The following RPGRIP1L variants were observed in gnomAD, a reference collection of about 807,000 sequenced individuals.
RPGRIP1L encodes the protein protein fantom.
In RPGRIP1L, 131 loss-of-function variants were observed where a neutral mutation model predicts 160.4. The observed-to-expected ratio is 0.82, with a 90% CI of 0.71 to 0.94. The LOEUF is 0.94. Among genes scored for constraint, RPGRIP1L ranks in the 40% least tolerant of loss-of-function variants. The probability of loss-of-function intolerance (pLI) is 0.00; values close to 1 mark genes in which losing one functional copy is unlikely to be tolerated. For missense variants in RPGRIP1L, 1,522 were observed against 1,535.8 expected, an observed-to-expected ratio of 0.99 and a Z score of 0.15; for synonymous variants, 510 against 515.8, an observed-to-expected ratio of 0.99 and a Z score of 0.15.
chr16:53,625,879 A>G (rs892987699), intron 22 of RPGRIP1L, among the ~76,000 whole-genome samples: 6 of 152,062 alleles, frequency 3.9e-5, no homozygotes, highest in African/African-American at 1.4e-4. Context: ...TGCTGTGTCA[A>G]CTCAGGGTTA....
intron 8 of RPGRIP1L, among the ~76,000 whole-genome samples, chr16:53,671,893 T>C (rs1210736026): frequency 2.0e-5 from 3 of 152,114 alleles, no homozygotes; most frequent in African/African-American, 4.8e-5. Flanking sequence ...CCGGGAAACA[T>C]AGTATTTTTT....
At position 53,686,443 on chromosome 16, in the gene RPGRIP1L, T is replaced by C; in HGVS notation, c.766A>G (p.Thr256Ala). 4.3e-6 allele frequency: 7 copies of C among 1,613,314 alleles called. No homozygotes were observed. The highest frequency in any genetic ancestry group is 5.9e-6 in the Non-Finnish European group (7 of 1,179,704). Residue 256 changes from threonine to alanine, a missense_variant, in exon 6 of 27, where the codon ACA (threonine) becomes GCA (alanine). Coordinates refer to ENST00000647211, the MANE Select transcript of RPGRIP1L (RefSeq NM_015272.5). ...SLLQLREQQA[T>A]DQRSNIRDNV... ...TCTGTTTTAACATACCTTTGATCTGTAGCTTGCTGTTCTCGAAGCTGAAGA... is the reference window on the plus strand; with the variant it reads ...TCTGTTTTAACATACCTTTGATCTGCAGCTTGCTGTTCTCGAAGCTGAAGA...
intron 10 of RPGRIP1L, among the ~76,000 whole-genome samples, chr16:53,661,945 T>G (rs951257570): frequency 1.1e-4 from 16 of 152,180 alleles, no homozygotes; most frequent in Non-Finnish European, 2.9e-5. Context: ...CTCAAACTGT[T>G]TATTTGGGAC....
chr16:53,690,464 G>A (rs1567884986), intron 4 of RPGRIP1L, among the ~76,000 whole-genome samples: 2 of 152,110 alleles, frequency 1.3e-5, no homozygotes, highest in African/African-American at 4.8e-5. Flanking sequence ...CCAAAGTGCT[G>A]GGATTATAGG....
chr16:53,652,886 C>G lies in RPGRIP1L; in HGVS notation c.1801G>C (p.Glu601Gln). The G allele has an allele frequency of 6.2e-7, 1 of 1,612,946 alleles. No individual in the cohort carries two copies. Among genetic ancestry groups the G allele is most frequent in the Non-Finnish European group, 8.5e-7 (1 of 1,179,664 alleles). ...VDEFDETIHLERGENLFEIHI... is the reference protein window; with the variant it reads ...VDEFDETIHLQRGENLFEIHI... Reference sequence around the variant, plus strand: ...ATTTCAAATAGATTTTCGCCTCGTTCTAAGTGGATGGTTTCATCAAATTCA... The same window carrying G: ...ATTTCAAATAGATTTTCGCCTCGTTGTAAGTGGATGGTTTCATCAAATTCA... The change falls in exon 15 of 27, where the codon GAA (glutamate) becomes CAA (glutamine). Residue 601 changes from glutamate (E) to glutamine (Q), a missense_variant. By Grantham distance (29) the Glu-to-Gln change is conservative (BLOSUM62 2). Transcript: ENST00000647211.
At chr16:53,630,787 T>G (rs1965470573) in intron 22 of RPGRIP1L, among the ~76,000 whole-genome samples, 1 of 152,148 alleles carries the variant, frequency 6.6e-6, no homozygotes. Flanking sequence ...CAGGCTGGAG[T>G]GCAGTGGTGC....
At chr16:53,619,780 C>A (rs1964597791) in intron 23 of RPGRIP1L, among the ~76,000 whole-genome samples, 1 of 152,058 alleles carries the variant, frequency 6.6e-6, no homozygotes, top group Non-Finnish European at 1.5e-5. Context: ...GCAAAAGAAA[C>A]AATTTTATGT....
rs549334762 is a variant in RPGRIP1L at position 53,654,736 on chromosome 16, G to A, written c.1699+1736C>T. 1.5e-3 allele frequency among the ~76,000 whole-genome samples: 229 copies of A among 152,268 alleles called. 1 individual carries two copies. The highest frequency in any genetic ancestry group is 2.3e-3 in the Non-Finnish European group (157 of 68,022). ...TTTATGGAGTCAATCAATGAATTGA[G>A]GGGACAGATAAAATATGATGGTTAA... On this transcript the variant is annotated intron_variant, in intron 14 of 26. Transcript: ENST00000647211.
Position 53,657,460 on chromosome 16 carries a change from T to C in RPGRIP1L, c.1574A>G (p.Asp525Gly), listed in dbSNP as rs371841392. The C allele has an allele frequency of 3.7e-6, 6 of 1,605,466 alleles. No individual in the cohort carries two copies. The South Asian group carries it at 4.4e-5, about 12-fold the overall frequency. The change falls in exon 13 of 27, where the codon GAT becomes GGT. Residue 525 changes from aspartate to glycine, a missense_variant. Coordinates refer to ENST00000647211, the MANE Select transcript of RPGRIP1L (RefSeq NM_015272.5). ...MLIMQHKINK[D>G]YQMEVEAVTR... ...TTTAGTGTATTACATTACCTGATAA[T>C]CTTTATTAATTTTGTGTTGCATAAT... is the stretch of plus-strand genomic sequence containing the variant.
chr16:53,681,198 A>T (rs532132526), intron 6 of RPGRIP1L, among the ~76,000 whole-genome samples: 1 of 152,342 alleles, frequency 6.6e-6, no homozygotes, highest in Non-Finnish European at 1.5e-5. Flanking sequence ...AAGGCAAGTC[A>T]GAGTGTCTGA....
At position 53,687,968 on chromosome 16, in the gene RPGRIP1L, A is replaced by C. The variant is rs1970137368; in HGVS notation, c.530-3T>G. On this transcript the variant is annotated splice_polypyrimidine_tract_variant and splice_region_variant and intron_variant, in intron 4 of 26. Coordinates refer to ENST00000647211, the MANE Select transcript of RPGRIP1L (RefSeq NM_015272.5). ...ATCTGCATCTTGGAATTTTATACCT[A>C]AAAACAAAGTAATAAAATATGATTA... 1 of 1,519,630 alleles carries C rather than the reference A, an allele frequency of 6.6e-7. No individual in the cohort carries two copies. The highest frequency in any genetic ancestry group is 9.1e-7 in the Non-Finnish European group (1 of 1,094,744). 94.1% of individuals were successfully genotyped at this position (1,519,630 alleles called of 1,614,324 possible).
At chr16:53,667,837 T>A (rs983615130) in intron 9 of RPGRIP1L, among the ~76,000 whole-genome samples, 1 of 151,596 alleles carries the variant, frequency 6.6e-6, no homozygotes, top group Non-Finnish European at 1.5e-5. Context: ...CATGCCACTA[T>A]GCTCCAGCCT....
chr16:53,694,109 G>A (rs898888804), intron 3 of RPGRIP1L: 2 of 152,020 alleles, frequency 1.3e-5, no homozygotes, highest in African/African-American at 2.4e-5. Flanking sequence ...TGAATCATAC[G>A]TGATCTGGCA....
At chr16:53,689,790 T>C (rs1003702450) in intron 4 of RPGRIP1L, among the ~76,000 whole-genome samples, 1 of 152,168 alleles carries the variant, frequency 6.6e-6, no homozygotes, top group Non-Finnish European at 1.5e-5. Flanking sequence ...TAAAGACGGA[T>C]TAAGAAAGTA....
At chr16:53,683,730 A>G (rs1862352047) in intron 6 of RPGRIP1L, among the ~76,000 whole-genome samples, 1 of 151,290 alleles carries the variant, frequency 6.6e-6, no homozygotes, top group South Asian at 2.1e-4. Context: ...AAGGGAAAAA[A>G]TAATTCAAGA....
chr16:53,658,868 T>C lies in RPGRIP1L; in HGVS notation c.1254A>G (p.Glu418=). The C allele has an allele frequency of 1.3e-6, 2 of 1,590,580 alleles. No homozygotes were observed. The highest frequency in any genetic ancestry group is 1.7e-6 in the Non-Finnish European group (2 of 1,162,264). Reference sequence around the variant, plus strand: ...GTTCTCTATTCTCTTGAACGAGTTTTTCATTTTGATCTTAAAAATAAAGTC... The same window carrying C: ...GTTCTCTATTCTCTTGAACGAGTTTCTCATTTTGATCTTAAAAATAAAGTC... ...DRLKTERDQN[E]KLVQENRELQ... is the part of the protein sequence containing the mutation. Residue 418 remains glutamate (E), a synonymous_variant, in exon 11 of 27, where the codon GAA becomes GAG. Coordinates refer to ENST00000647211, the MANE Select transcript of RPGRIP1L (RefSeq NM_015272.5).
At chr16:53,648,626 G>GCGCGCGCACACA (rs1555602385) in intron 16 of RPGRIP1L, among the ~76,000 whole-genome samples, 58 of 144,088 alleles carry the variant, frequency 4.0e-4, no homozygotes, top group Non-Finnish European at 7.7e-4. Context: ...GCGCGCGCGC[G>GCGCGCGCACACA]CACACACACA....
At chr16:53,625,419 C>G (rs1047765435) in intron 22 of RPGRIP1L, among the ~76,000 whole-genome samples, 1 of 144,358 alleles carries the variant, frequency 6.9e-6, no homozygotes, top group African/African-American at 2.5e-5. Context: ...GCGGCCGCCC[C>G]GTCTGGGGGG....
At chr16:53,606,771 A>C (rs1963715251) in intron 25 of RPGRIP1L, among the ~76,000 whole-genome samples, 2 of 151,952 alleles carry the variant, frequency 1.3e-5, no homozygotes, top group South Asian at 4.2e-4. Flanking sequence ...CCGCCACCAC[A>C]TCTGGCTAAT....
Sources: gnomAD v4.1 joint callset for allele counts (sites outside exome capture counted in the v4.1 genomes callset) on GRCh38, gnomAD v4.1.1 for gene constraint, MANE v1.5 for transcripts, NCBI Gene and HGNC (gene_info 2026-07-23, HGNC 2026-07-21) for gene names.